SCHIP1: variants seen among roughly 807,000 people sequenced by gnomAD.
SCHIP1 encodes the protein schwannomin interacting protein 1, also known as schwannomin-interacting protein 1.
SCHIP1 carries 8 observed loss-of-function variants against 29.7 expected under a neutral mutation model. The ratio of observed to expected loss-of-function variants is 0.27; its 90% confidence interval spans 0.16 to 0.49. The LOEUF (loss-of-function observed/expected upper bound fraction) is 0.49, where lower values mean the gene tolerates loss of function less well. Among genes scored for constraint, SCHIP1 ranks in the 20% least tolerant of loss-of-function variants. SCHIP1 has a pLI of 0.99. For missense variants in SCHIP1, 193 were observed against 294.6 expected, an observed-to-expected ratio of 0.66 and a Z score of 2.52; for synonymous variants, 76 against 94.9, an observed-to-expected ratio of 0.80 and a Z score of 1.16.
At chr3:159,684,012 C>T in the SCHIP1 span, among the ~76,000 whole-genome samples, 1 of 152,140 alleles carries the variant, frequency 6.6e-6, no homozygotes, top group Non-Finnish European at 1.5e-5. Context: ...CAGGAAGAGA[C>T]TGCCTCTCCC....
chr3:159,453,007 A>C, the SCHIP1 span, among the ~76,000 whole-genome samples: 88 of 152,350 alleles, frequency 5.8e-4, no homozygotes, highest in African/African-American at 2.0e-3. Context: ...CTTCTGAATA[A>C]AATTGGGCTT....
At chr3:159,787,085 A>G in the SCHIP1 span, among the ~76,000 whole-genome samples, 2 of 152,158 alleles carry the variant, frequency 1.3e-5, no homozygotes, top group Non-Finnish European at 2.9e-5. Flanking sequence ...TGTCCTCTCA[A>G]CAAACTTTGT....
At chr3:159,323,037 G>A in the SCHIP1 span, among the ~76,000 whole-genome samples, 3 of 152,102 alleles carry the variant, frequency 2.0e-5, no homozygotes, top group African/African-American at 4.8e-5. Context: ...TCCTGATAGC[G>A]GCGGACTGGG....
At chr3:159,600,780 T>G in the SCHIP1 span, among the ~76,000 whole-genome samples, 2,369 of 152,348 alleles carry the variant, frequency 0.016, 64 homozygotes, top group African/African-American at 0.053. Context: ...CATCTGCACA[T>G]CTGGTTTAAC....
the SCHIP1 span, among the ~76,000 whole-genome samples, chr3:159,535,550 T>G: frequency 6.6e-6 from 1 of 152,196 alleles, no homozygotes; most frequent in Non-Finnish European, 1.5e-5. Context: ...TCTCCCTGCT[T>G]AGTTCCTGCC....
the SCHIP1 span, among the ~76,000 whole-genome samples, chr3:159,647,896 C>T: frequency 6.6e-6 from 1 of 152,224 alleles, no homozygotes; most frequent in African/African-American, 2.4e-5. Flanking sequence ...CAAAAATAGG[C>T]TTTGTTATTC....
At chr3:159,498,391 T>G in the SCHIP1 span, among the ~76,000 whole-genome samples, 6 of 152,186 alleles carry the variant, frequency 3.9e-5, no homozygotes, top group South Asian at 6.2e-4. Context: ...TGCTCTGGGT[T>G]ACAAGAAAAA....
the SCHIP1 span, among the ~76,000 whole-genome samples, chr3:159,828,470 TACAC>T: frequency 7.1e-6 from 1 of 141,246 alleles, no homozygotes; most frequent in South Asian, 2.2e-4. Context: ...TATGTATATA[TACAC>T]ACACATACAC....
At chr3:159,284,646 A>G in the SCHIP1 span, among the ~76,000 whole-genome samples, 1 of 151,386 alleles carries the variant, frequency 6.6e-6, no homozygotes, top group Non-Finnish European at 1.5e-5. Flanking sequence ...ACGCCACCAC[A>G]CTCGGCTAAT....
At chr3:159,500,712 CA>C in the SCHIP1 span, among the ~76,000 whole-genome samples, 239 of 128,950 alleles carry the variant, frequency 1.9e-3, no homozygotes, top group Middle Eastern at 4.0e-3. Flanking sequence ...GACTCTGTCT[CA>C]AAAAAAAAAA....
chr3:159,364,910 T>TG, the SCHIP1 span, among the ~76,000 whole-genome samples: 1 of 152,208 alleles, frequency 6.6e-6, no homozygotes, highest in Non-Finnish European at 1.5e-5. Flanking sequence ...ACAGGATTGT[T>TG]GGGGGGCTGT....
chr3:159,651,597 G>T, the SCHIP1 span, among the ~76,000 whole-genome samples: 59 of 152,252 alleles, frequency 3.9e-4, no homozygotes, highest in South Asian at 6.2e-4. Context: ...TGCACCAAAG[G>T]TTTGGTAATT....
chr3:159,384,348 C>A, the SCHIP1 span, among the ~76,000 whole-genome samples: 1 of 151,992 alleles, frequency 6.6e-6, no homozygotes, highest in Non-Finnish European at 1.5e-5. Flanking sequence ...AAGGCCTTTT[C>A]TGCATCTATT....
At chr3:159,577,654 T>C in the SCHIP1 span, among the ~76,000 whole-genome samples, 2 of 152,218 alleles carry the variant, frequency 1.3e-5, no homozygotes, top group African/African-American at 4.8e-5. Flanking sequence ...CATGCATGAC[T>C]GCAGGTCTAT....
the SCHIP1 span, among the ~76,000 whole-genome samples, chr3:159,456,919 G>T: frequency 6.6e-6 from 1 of 152,086 alleles, no homozygotes; most frequent in African/African-American, 2.4e-5. Context: ...ACAATATCAG[G>T]AAGGGTTGTT....
At chr3:159,490,407 A>C in the SCHIP1 span, among the ~76,000 whole-genome samples, 1 of 152,238 alleles carries the variant, frequency 6.6e-6, no homozygotes, top group East Asian at 1.9e-4. Context: ...AGGTTCTGTG[A>C]GTGCCATGAC....
At chr3:159,751,717 T>C in the SCHIP1 span, among the ~76,000 whole-genome samples, 2 of 151,978 alleles carry the variant, frequency 1.3e-5, no homozygotes, top group African/African-American at 4.8e-5. Context: ...GCTAATTTTT[T>C]TGTATTTTTT....
the SCHIP1 span, among the ~76,000 whole-genome samples, chr3:159,353,143 A>C: frequency 0.01 from 1,594 of 152,158 alleles, 17 homozygotes; most frequent in African/African-American, 0.037. Flanking sequence ...GCCCCTGTAC[A>C]TTTGAGCAAG....
the SCHIP1 span, among the ~76,000 whole-genome samples, chr3:159,533,453 G>A: frequency 1.3e-5 from 2 of 152,170 alleles, no homozygotes; most frequent in East Asian, 1.9e-4. Context: ...GTTTTAATTG[G>A]AAAGGTGCTT....
Sources: gnomAD v4.1 joint callset for allele counts (sites outside exome capture counted in the v4.1 genomes callset) on GRCh38, gnomAD v4.1.1 for gene constraint, MANE v1.5 for transcripts, NCBI Gene and HGNC (gene_info 2026-07-23, HGNC 2026-07-21) for gene names.